Variants in REV3L observed in about 807,000 individuals in gnomAD.
The protein encoded by REV3L is DNA polymerase zeta catalytic subunit.
In REV3L, 69 loss-of-function variants were observed where a neutral mutation model predicts 299.4. The ratio of observed to expected loss-of-function variants is 0.23; its 90% confidence interval spans 0.19 to 0.28. The LOEUF (loss-of-function observed/expected upper bound fraction) is 0.28. REV3L is among the 10% of genes least tolerant of loss of function. The probability of loss-of-function intolerance (pLI) is 1.00; values close to 1 mark genes in which losing one functional copy is unlikely to be tolerated. For synonymous variants in REV3L, 1,238 were observed against 1,271.4 expected, an observed-to-expected ratio of 0.97 and a Z score of 0.56; for missense variants, 3,128 against 3,693.8, an observed-to-expected ratio of 0.85 and a Z score of 3.97.
chr6:111,431,236 C>T (rs1451516814), intron 1 of REV3L: 1 of 1,545,038 alleles, frequency 6.5e-7, no homozygotes, highest in Non-Finnish European at 8.9e-7. Context: ...AAAAGGAGGG[C>T]ATTCCAGGAC....
intron 2 of REV3L, 29 bp from the exon 3 acceptor site, chr6:111,411,583 T>C: frequency 7.3e-7 from 1 of 1,368,382 alleles, no homozygotes; most frequent in African/African-American, 1.5e-5. Context: ...AATTTCAAAT[T>C]ATTTTCATAA....
At chr6:111,314,849 C>CTTT (rs398066168) in intron 27 of REV3L, among the ~76,000 whole-genome samples, 2 of 132,598 alleles carry the variant, frequency 1.5e-5, no homozygotes, top group Admixed American at 7.8e-5. Flanking sequence ...TATTTAAATA[C>CTTT]TTTTTTTTTT....
At chr6:111,421,470 A>C (rs1296919480) in intron 1 of REV3L, among the ~76,000 whole-genome samples, 4 of 152,178 alleles carry the variant, frequency 2.6e-5, no homozygotes, top group Non-Finnish European at 5.9e-5. Context: ...TGCAATACTT[A>C]AGTGAACGGG....
rs557684209 is a variant in REV3L at position 111,347,401 on chromosome 6, CTCT to C, written c.7419+1814_7419+1816del. 5.0e-4 allele frequency among the ~76,000 whole-genome samples: 76 copies of C among 152,094 alleles called. 3 individuals are homozygous for C. In the South Asian group the frequency reaches 7.7e-3, roughly 15 times the overall value. On this transcript the variant is annotated intron_variant, in intron 20 of 31. Transcript: ENST00000368802. ...CTTTAAATCACTGGGGACTCTAACACTCTTCTATTATTTTAAGAACAACACAAC... is the reference window on the plus strand; with the variant it reads ...CTTTAAATCACTGGGGACTCTAACACTCTATTATTTTAAGAACAACACAAC...
intron 1 of REV3L, among the ~76,000 whole-genome samples, chr6:111,481,269 T>C (rs2128348260): frequency 6.6e-6 from 1 of 152,302 alleles, no homozygotes; most frequent in East Asian, 1.9e-4. Context: ...GTGAGAACAG[T>C]GCATTACACT....
chr6:111,356,960 G>T, intron 18 of REV3L, 54 bp downstream of exon 18: 4 of 908,408 alleles, frequency 4.4e-6, no homozygotes, highest in Non-Finnish European at 5.1e-6. Flanking sequence ...ATCTGCAATA[G>T]CATGAAACGA....
rs3218574 is a variant in REV3L at position 111,390,250 on chromosome 6, T to C, written c.663-70A>G. 8,462 of 929,774 alleles carry C rather than the reference T, an allele frequency of 9.1e-3. 466 individuals are homozygous for C. In the African/African-American group the frequency reaches 0.12, roughly 13 times the overall value. 57.6% of individuals were successfully genotyped at this position (929,774 alleles called of 1,614,324 possible). A position where few individuals can be genotyped will look rare whatever the true frequency, so the allele number is the denominator to read the frequency against. On this transcript the variant is annotated intron_variant, in intron 5 of 31. Transcript: ENST00000368802. Reference sequence around the variant, plus strand: ...AACTTTCTAACATTTTTCTTACTTATACAATTATCTTACATTTAGCTTGTA... The same window carrying C: ...AACTTTCTAACATTTTTCTTACTTACACAATTATCTTACATTTAGCTTGTA...
chr6:111,393,013 T>A (rs1453554818), intron 4 of REV3L, 41 bp from the exon 5 acceptor site: 2 of 1,374,626 alleles, frequency 1.5e-6, no homozygotes, highest in Admixed American at 3.7e-5. Flanking sequence ...CTACTTTCAA[T>A]TTTCATATAA....
chr6:111,396,344 T>C (rs1782504111), intron 4 of REV3L, among the ~76,000 whole-genome samples: 1 of 151,290 alleles, frequency 6.6e-6, no homozygotes, highest in South Asian at 2.1e-4. Context: ...AAATTTCACT[T>C]GATCATGGTG....
In REV3L at chr6:111,376,342, T is replaced by G; in HGVS notation, c.2013A>C (p.Arg671Ser). The change falls in exon 13 of 32, where the codon AGA becomes AGC. Residue 671 changes from arginine (R) to serine (S), a missense_variant. This residue lies in a region of REV3L where 2,409 missense variants were observed against 2,611.8 expected (regional missense o/e 0.92). Coordinates refer to ENST00000368802, the MANE Select transcript of REV3L (RefSeq NM_001372078.1). ...DYEEDIPSVT[R>S]QVPSRKYTNI... ...TTGTATATTTTCTACTTGGTACTTG[T>G]CTTGTAACAGATGGAATATCTTCTT... 6.2e-7 allele frequency: 1 copy of G among 1,612,958 alleles called. No homozygotes were observed. Among genetic ancestry groups the G allele is most frequent in the Non-Finnish European group, 8.5e-7 (1 of 1,179,644 alleles).
At chr6:111,460,385 C>T (rs1340299217) in intron 1 of REV3L, 2 of 151,196 alleles carry the variant, frequency 1.3e-5, no homozygotes, top group African/African-American at 4.9e-5. Flanking sequence ...TTGTAATAAA[C>T]CTGCACAGGT....
At chr6:111,384,223 A>T (rs956065333) in intron 9 of REV3L, among the ~76,000 whole-genome samples, 3 of 152,168 alleles carry the variant, frequency 2.0e-5, no homozygotes, top group Admixed American at 6.5e-5. Flanking sequence ...TCCCCAAAGC[A>T]CAGGCAATCA....
At chr6:111,467,715 A>ATATG (rs979197113) in intron 1 of REV3L, among the ~76,000 whole-genome samples, 1 of 152,342 alleles carries the variant, frequency 6.6e-6, no homozygotes, top group Non-Finnish European at 1.5e-5. Flanking sequence ...ATATAGGAGA[A>ATATG]TATGCTTAGG....
At chr6:111,456,923 G>A (rs1426767844) in intron 1 of REV3L, among the ~76,000 whole-genome samples, 1 of 152,030 alleles carries the variant, frequency 6.6e-6, no homozygotes, top group African/African-American at 2.4e-5. Flanking sequence ...AGTTCAAAAA[G>A]TCTGAATCTA....
chr6:111,382,976 C>A (rs1780982845), intron 9 of REV3L, among the ~76,000 whole-genome samples: 1 of 152,206 alleles, frequency 6.6e-6, no homozygotes, highest in Non-Finnish European at 1.5e-5. Context: ...TGGATGACAT[C>A]TCTAAACACA....
intron 6 of REV3L, among the ~76,000 whole-genome samples, chr6:111,389,600 CAA>C (rs996115416): frequency 1.7e-4 from 26 of 151,942 alleles, no homozygotes; most frequent in African/African-American, 6.3e-4. Context: ...AAAATATAAA[CAA>C]AAAATTAATA....
At chr6:111,438,409 A>C (rs1324528357) in intron 1 of REV3L, among the ~76,000 whole-genome samples, 1 of 151,440 alleles carries the variant, frequency 6.6e-6, no homozygotes, top group Non-Finnish European at 1.5e-5. Context: ...TATTTTAATT[A>C]TTTTTTTAGA....
At chr6:111,420,934 A>G (rs1383098356) in intron 1 of REV3L, among the ~76,000 whole-genome samples, 1 of 152,044 alleles carries the variant, frequency 6.6e-6, no homozygotes, top group Admixed American at 6.5e-5. Context: ...AGGTCAGGAG[A>G]TCAAGACCAT....
chr6:111,449,884 C>G (rs1366337912), intron 1 of REV3L, among the ~76,000 whole-genome samples: 1 of 151,890 alleles, frequency 6.6e-6, no homozygotes. Context: ...GCAATAGAAA[C>G]AAGCCAGGAA....
Sources: allele counts gnomAD v4.1 joint callset (sites outside exome capture counted in the v4.1 genomes callset), GRCh38; gene constraint gnomAD v4.1.1; regional missense constraint gnomAD v4.1.1; transcripts MANE v1.5; gene names NCBI Gene and HGNC (gene_info 2026-07-23, HGNC 2026-07-21).